TMEM74: variants seen among roughly 807,000 people sequenced by gnomAD.
TMEM74 encodes the protein transmembrane protein 74.
Under a neutral mutation model 18.1 loss-of-function variants are expected in TMEM74, and 13 were observed. The observed-to-expected ratio is 0.72, with a 90% CI of 0.47 to 1.14. TMEM74 has a LOEUF of 1.14. Among genes scored for constraint, TMEM74 ranks in the 50% most tolerant of loss-of-function variants. The pLI, the probability that TMEM74 is intolerant of heterozygous loss-of-function variation, is 0.00. For synonymous variants in TMEM74, 159 were observed against 146.6 expected, an observed-to-expected ratio of 1.08 and a Z score of -0.61; for missense variants, 372 against 375.9, an observed-to-expected ratio of 0.99 and a Z score of 0.09.
intron 1 of TMEM74, among the ~76,000 whole-genome samples, chr8:108,665,066 C>A (rs930240953): frequency 1.3e-5 from 2 of 151,796 alleles, no homozygotes; most frequent in African/African-American, 4.8e-5. Context: ...TGGTCACATA[C>A]CTTGATATCC....
At chr8:108,715,358 T>C (rs1813513093) in intron 1 of TMEM74, among the ~76,000 whole-genome samples, 3 of 152,064 alleles carry the variant, frequency 2.0e-5, no homozygotes, top group Admixed American at 6.6e-5. Flanking sequence ...TACCCCAAAC[T>C]TCAGCATTAC....
At chr8:108,614,050 T>C (rs916766331) in intron 2 of TMEM74, among the ~76,000 whole-genome samples, 1 of 150,024 alleles carries the variant, frequency 6.7e-6, no homozygotes, top group Admixed American at 6.6e-5. Flanking sequence ...TTTTTTTTTT[T>C]GTATGGGGTA....
At chr8:108,734,981 G>A (rs1395474667) in intron 1 of TMEM74, among the ~76,000 whole-genome samples, 2 of 152,178 alleles carry the variant, frequency 1.3e-5, no homozygotes, top group African/African-American at 4.8e-5. Flanking sequence ...ACTGTTACCT[G>A]TTGATACCCT....
chr8:108,663,657 C>T (rs1025894620), intron 1 of TMEM74, among the ~76,000 whole-genome samples: 9 of 152,210 alleles, frequency 5.9e-5, no homozygotes, highest in African/African-American at 1.9e-4. Flanking sequence ...GATACATGCA[C>T]GCATATGTTC....
chr8:108,629,119 C>A (rs1812525200), intron 2 of TMEM74, among the ~76,000 whole-genome samples: 1 of 151,880 alleles, frequency 6.6e-6, no homozygotes. Flanking sequence ...CTAGAATAAC[C>A]AGTTTAGAGG....
intron 1 of TMEM74, among the ~76,000 whole-genome samples, chr8:108,714,757 A>G (rs1367820567): frequency 1.3e-5 from 2 of 152,330 alleles, no homozygotes; most frequent in Non-Finnish European, 2.9e-5. Context: ...TCACAATAGC[A>G]AACACATGGA....
At chr8:108,652,925 G>A (rs1284400973) in intron 2 of TMEM74, 1 of 358,302 alleles carries the variant, frequency 2.8e-6, no homozygotes, top group Non-Finnish European at 5.5e-6. Context: ...GAAGAGCGAA[G>A]ATGAATTTTC....
rs539055314 is a variant in TMEM74 at position 108,703,892 on chromosome 8, C to A, written n.120-48455G>T. On this transcript the variant is annotated intron_variant and non_coding_transcript_variant, in intron 1 of 3. Coordinates refer to the TMEM74 transcript ENST00000518838. ...CTCATACCAAACTCAAGAAAGAGTT[C>A]AAATGCCCCTTTCATCTAACTTCCC... Among the ~76,000 whole-genome samples, 200 of 152,324 alleles carry A rather than the reference C, an allele frequency of 1.3e-3. 2 individuals carry two copies. The South Asian group carries it at 0.04, about 31-fold the overall frequency.
At chr8:108,629,298 G>C (rs1812526997) in intron 2 of TMEM74, among the ~76,000 whole-genome samples, 1 of 151,932 alleles carries the variant, frequency 6.6e-6, no homozygotes, top group South Asian at 2.1e-4. Context: ...AGAATGAAAA[G>C]GAAAAAACAA....
In TMEM74 at chr8:108,785,084, G is replaced by A. The variant is rs751996322; in HGVS notation, c.15C>T (p.Tyr5=). 4 of 1,600,056 alleles carry A rather than the reference G, an allele frequency of 2.5e-6. No individual in the cohort carries two copies. The Admixed American group carries it at 5.2e-5, about 21-fold the overall frequency. The stretch of plus-strand genomic sequence containing the variant: ...CTGCCTGGTTGCTCTTCTTAGCAAG[G>A]TAGTGGAGCTCCATGAGAGCTAGTC... MELH[Y]LAKKSNQADL... The change falls in exon 2 of 2, where the codon TAC becomes TAT. Residue 5 remains tyrosine, a synonymous_variant. Coordinates refer to ENST00000297459, the MANE Select transcript of TMEM74 (RefSeq NM_153015.3).
chr8:108,785,390 G>GGA (rs1814372702), intron 1 of TMEM74, among the ~76,000 whole-genome samples: 2 of 152,190 alleles, frequency 1.3e-5, no homozygotes, highest in African/African-American at 4.8e-5. Flanking sequence ...GGAAGTGGCA[G>GGA]TGTCTACTGA....
At chr8:108,656,322 G>A (rs1379230897) in intron 1 of TMEM74, among the ~76,000 whole-genome samples, 1 of 152,052 alleles carries the variant, frequency 6.6e-6, no homozygotes, top group East Asian at 1.9e-4. Flanking sequence ...CTTAGTTCAG[G>A]GCTCATAATC....
At chr8:108,656,071 T>C (rs1247950560) in intron 1 of TMEM74, among the ~76,000 whole-genome samples, 2 of 152,128 alleles carry the variant, frequency 1.3e-5, no homozygotes, top group Non-Finnish European at 2.9e-5. Flanking sequence ...CACTCCTCTT[T>C]TCATTCAAAA....
chr8:108,761,517 A>G (rs1814043793), intron 1 of TMEM74, among the ~76,000 whole-genome samples: 1 of 152,228 alleles, frequency 6.6e-6, no homozygotes, highest in East Asian at 1.9e-4. Flanking sequence ...TTTCCATCTT[A>G]TTAGAGAGGA....
At chr8:108,749,241 G>A (rs1176122320) in intron 1 of TMEM74, among the ~76,000 whole-genome samples, 1 of 152,002 alleles carries the variant, frequency 6.6e-6, no homozygotes, top group African/African-American at 2.4e-5. Context: ...ATTGCTTTGG[G>A]CAGTATGGCC....
intron 1 of TMEM74, among the ~76,000 whole-genome samples, chr8:108,660,882 C>T (rs542021408): frequency 6.6e-6 from 1 of 152,126 alleles, no homozygotes; most frequent in East Asian, 1.9e-4. Flanking sequence ...AAAAAGTTAC[C>T]ATCATGTTAT....
At chr8:108,717,635 T>C (rs750260963) in intron 1 of TMEM74, among the ~76,000 whole-genome samples, 1 of 152,032 alleles carries the variant, frequency 6.6e-6, no homozygotes, top group African/African-American at 2.4e-5. Flanking sequence ...AACAGAATGA[T>C]TAAGGTGGCT....
intron 1 of TMEM74, among the ~76,000 whole-genome samples, chr8:108,729,248 G>T (rs1001336592): frequency 6.6e-6 from 1 of 152,180 alleles, no homozygotes; most frequent in South Asian, 2.1e-4. Context: ...TCAGCTAGGG[G>T]CTGGTCTTTG....
chr8:108,687,183 A>C (rs1813178638), intron 1 of TMEM74, among the ~76,000 whole-genome samples: 1 of 152,162 alleles, frequency 6.6e-6, no homozygotes, highest in Non-Finnish European at 1.5e-5. Context: ...AACTACTGAC[A>C]TTAAAGAAAA....
Sources: allele counts gnomAD v4.1 joint callset (sites outside exome capture counted in the v4.1 genomes callset), GRCh38; gene constraint gnomAD v4.1.1; transcripts MANE v1.5; gene names NCBI Gene and HGNC (gene_info 2026-07-23, HGNC 2026-07-21).